The following CACNA1B variants were observed in gnomAD, a reference collection of about 807,000 sequenced individuals.
CACNA1B encodes the protein voltage-dependent N-type calcium channel subunit alpha-1B.
A neutral mutation model predicts 247.2 loss-of-function variants in CACNA1B; 70 were observed. The ratio of observed to expected loss-of-function variants is 0.28; its 90% CI spans 0.23 to 0.35. The LOEUF (loss-of-function observed/expected upper bound fraction) is 0.35. Among genes scored for constraint, CACNA1B ranks in the 10% least tolerant of loss-of-function variants. CACNA1B has a pLI of 1.00. For synonymous variants in CACNA1B, 1,231 were observed against 1,294.4 expected (o/e 0.95, Z 1.05); for missense variants, 2,367 against 3,197.4 (o/e 0.74, Z 6.26).
At position 137,971,387 on chromosome 9, in the gene CACNA1B, C is replaced by A; in HGVS notation, c.1338C>A (p.Ser446=). 6.2e-7 allele frequency: 1 copy of A among 1,608,856 alleles called. No homozygotes were observed. The highest frequency in any genetic ancestry group is 1.1e-5 in the South Asian group (1 of 90,014). The change falls in exon 11 of 47, where the codon TCC becomes TCA. Residue 446 remains serine, a synonymous_variant. Transcript: ENST00000371372. This position sits in a 1 kb window ranked among gnomAD's most constrained non-coding sequence, Gnocchi z 4.4. Reference sequence around the variant, plus strand: ...AGTAACTCCCCATCCCCTCAGGATCCCCCTTCGCCCGCGCCAGCCTCAAGA... The same window carrying A: ...AGTAACTCCCCATCCCCTCAGGATCACCCTTCGCCCGCGCCAGCCTCAAGA... The part of the protein sequence containing the change: ...DRFADLCAVG[S]PFARASLKSG...
At chr9:138,002,347 A>C (rs1205023254) in intron 15 of CACNA1B, among the ~76,000 whole-genome samples, 1 of 152,168 alleles carries the variant, frequency 6.6e-6, no homozygotes, top group East Asian at 1.9e-4. Context: ...CCATGCATGC[A>C]CAAAACTTCA....
chr9:137,956,948 A>G, intron 9 of CACNA1B, 121 bp downstream of exon 9: 1 of 763,136 alleles, frequency 1.3e-6, no homozygotes, highest in Middle Eastern at 3.1e-4. Context: ...GCACCTGCAC[A>G]GCCATCACAT....
rs1464039747 is a variant in CACNA1B at position 138,100,923 on chromosome 9, G to C, written c.5223-1788G>C. On this transcript the variant is annotated intron_variant, in intron 37 of 46. Coordinates refer to ENST00000371372, the MANE Select transcript of CACNA1B (RefSeq NM_000718.4). This position sits in a 1 kb window ranked among gnomAD's most constrained non-coding sequence, Gnocchi z 4.6. ...GGGCTCCGGAAATTTCGCTGGGGTT[G>C]CCACACCTCCCGGGGAGCTCCAAGC... 1.3e-5 allele frequency among the ~76,000 whole-genome samples: 2 copies of C among 152,086 alleles called. No homozygotes were observed. Among genetic ancestry groups the C allele is most frequent in the African/African-American group, 4.8e-5 (2 of 41,406 alleles).
intron 6 of CACNA1B, among the ~76,000 whole-genome samples, chr9:137,927,467 C>T (rs1957564502): frequency 6.6e-6 from 1 of 152,116 alleles, no homozygotes; most frequent in South Asian, 2.1e-4. Context: ...AGGTGATCCG[C>T]CCACCTCGGA....
intron 23 of CACNA1B, among the ~76,000 whole-genome samples, chr9:138,048,558 CAG>C (rs1003829863): frequency 2.6e-5 from 4 of 152,226 alleles, no homozygotes; most frequent in Non-Finnish European, 4.4e-5. Context: ...CCTACTCTGA[CAG>C]GGCATGTAAA....
At chr9:138,095,540 C>T (rs1285529464) in intron 36 of CACNA1B, among the ~76,000 whole-genome samples, 5 of 152,034 alleles carry the variant, frequency 3.3e-5, no homozygotes, top group Admixed American at 2.6e-4. Flanking sequence ...GCACCAGCTG[C>T]TATGGAAGAA....
At chr9:138,006,713 T>C in intron 15 of CACNA1B, 54 bp from the exon 16 acceptor site, 1 of 948,994 alleles carries the variant, frequency 1.1e-6, no homozygotes, top group East Asian at 2.5e-5. Context: ...GGGGTGCGTG[T>C]GTGTGGGGAA....
At chr9:137,965,652 G>A in intron 10 of CACNA1B, among the ~76,000 whole-genome samples, 1 of 152,132 alleles carries the variant, frequency 6.6e-6, no homozygotes, top group East Asian at 1.9e-4. Context: ...AGGCTGGAAT[G>A]CAATGGCATG....
rs563984112 is a variant in CACNA1B at position 138,076,633 on chromosome 9, G to A, written c.4949+723G>A. 2.0e-4 allele frequency among the ~76,000 whole-genome samples: 30 copies of A among 152,324 alleles called. No individual in the cohort carries two copies. The South Asian group carries it at 6.2e-3, about 32-fold the overall frequency. On this transcript the variant is annotated intron_variant, in intron 35 of 46. Coordinates refer to ENST00000371372, the MANE Select transcript of CACNA1B (RefSeq NM_000718.4). ...TCCTGGGCGCGGAACAGGAGCTATG[G>A]GCCATCCTGGTTTGAGAGTGAACTT...
chr9:138,074,666 C>T (rs1324427775), intron 34 of CACNA1B, among the ~76,000 whole-genome samples: 1 of 152,272 alleles, frequency 6.6e-6, no homozygotes, highest in African/African-American at 2.4e-5. Context: ...ATTGCCACCT[C>T]AACAGGTGGA....
At chr9:137,963,034 C>T (rs887987265) in intron 10 of CACNA1B, among the ~76,000 whole-genome samples, 1 of 152,108 alleles carries the variant, frequency 6.6e-6, no homozygotes, top group African/African-American at 2.4e-5. Flanking sequence ...TTGAAGTCTC[C>T]AAGAACTTGC....
intron 20 of CACNA1B, among the ~76,000 whole-genome samples, chr9:138,042,309 G>A (rs1393612119): frequency 6.6e-6 from 1 of 152,194 alleles, no homozygotes; most frequent in African/African-American, 2.4e-5. Context: ...AATTAGCTGG[G>A]TGTGTTGGCG....
At position 138,042,844 on chromosome 9, in the gene CACNA1B, G is replaced by A. The variant is rs571459779; in HGVS notation, c.3287-930G>A. On this transcript the variant is annotated intron_variant, in intron 20 of 46. Coordinates refer to ENST00000371372, the MANE Select transcript of CACNA1B (RefSeq NM_000718.4). The stretch of plus-strand genomic sequence containing the variant: ...GGCCAGCAGTCAAGGCCTCCACAGC[G>A]GGCTCTGGGGATTAGCACCTTCACT... Among the ~76,000 whole-genome samples, 10 of 152,202 alleles carry A rather than the reference G, an allele frequency of 6.6e-5. 1 individual carries two copies. Among genetic ancestry groups the A allele is most frequent in the Admixed American group, 3.3e-4 (5 of 15,296 alleles).
chr9:138,111,677 A>G (rs775592609), intron 39 of CACNA1B, among the ~76,000 whole-genome samples: 5 of 152,208 alleles, frequency 3.3e-5, no homozygotes, highest in Non-Finnish European at 7.3e-5. Context: ...AGGTGAATCC[A>G]ATTATTTTAT....
intron 11 of CACNA1B, among the ~76,000 whole-genome samples, chr9:137,972,031 G>A (rs181987686): frequency 6.6e-6 from 1 of 152,124 alleles, no homozygotes. Context: ...GGTTCCTGAG[G>A]GGGGAGTCCT....
chr9:138,021,533 C>T (rs1051507477), intron 18 of CACNA1B, among the ~76,000 whole-genome samples: 3 of 152,270 alleles, frequency 2.0e-5, no homozygotes, highest in African/African-American at 7.2e-5. Flanking sequence ...CTCAGCGGCT[C>T]AGGGCCCCGG....
chr9:137,979,364 C>G (rs770193587), intron 12 of CACNA1B, among the ~76,000 whole-genome samples: 1 of 152,170 alleles, frequency 6.6e-6, no homozygotes, highest in Non-Finnish European at 1.5e-5. Flanking sequence ...GTGGCCTCTC[C>G]ACAGGCTGCC....
chr9:138,065,161 T>G (rs998948696), intron 31 of CACNA1B, among the ~76,000 whole-genome samples: 16 of 152,302 alleles, frequency 1.1e-4, no homozygotes, highest in Admixed American at 9.1e-4. Flanking sequence ...AAAGCTCCCC[T>G]ACATTAAAAA....
intron 20 of CACNA1B, among the ~76,000 whole-genome samples, chr9:138,038,351 C>T (rs1442395045): frequency 6.6e-6 from 1 of 152,204 alleles, no homozygotes; most frequent in African/African-American, 2.4e-5. Flanking sequence ...CACTTCCTGT[C>T]CCCGATCTGG....
Sources: allele counts gnomAD v4.1 joint callset (sites outside exome capture counted in the v4.1 genomes callset), GRCh38; gene constraint gnomAD v4.1.1; non-coding constraint Gnocchi (gnomAD v3.1); transcripts MANE v1.5; gene names NCBI Gene and HGNC (gene_info 2026-07-23, HGNC 2026-07-21).